The following PCSK2 variants were observed in gnomAD, a reference collection of about 807,000 sequenced individuals.
PCSK2 encodes proprotein convertase subtilisin/kexin type 2.
PCSK2 carries 14 observed loss-of-function variants against 69.7 expected under a neutral mutation model. The ratio of observed to expected loss-of-function variants is 0.20; its 90% confidence interval spans 0.13 to 0.31. PCSK2 has a LOEUF of 0.31. Among genes scored for constraint, PCSK2 ranks in the 10% least tolerant of loss-of-function variants. PCSK2 has a pLI of 1.00. For synonymous variants in PCSK2, 307 were observed against 320.7 expected, an observed-to-expected ratio of 0.96 and a Z score of 0.46; for missense variants, 544 against 842.5, an observed-to-expected ratio of 0.65 and a Z score of 4.39.
chr20:17,435,614 G>A (rs541161710), intron 7 of PCSK2, among the ~76,000 whole-genome samples: 15 of 152,282 alleles, frequency 9.9e-5, no homozygotes, highest in African/African-American at 2.6e-4. Flanking sequence ...TTTGGCCACC[G>A]GGGACAAGGA....
chr20:17,267,697 T>C (rs1437684397), intron 2 of PCSK2, among the ~76,000 whole-genome samples: 1 of 152,174 alleles, frequency 6.6e-6, no homozygotes, highest in African/African-American at 2.4e-5. Flanking sequence ...TGATGGGTAC[T>C]GTTCGTGCTG....
intron 4 of PCSK2, among the ~76,000 whole-genome samples, chr20:17,362,839 A>G (rs1371659999): frequency 6.6e-6 from 1 of 152,230 alleles, no homozygotes; most frequent in Non-Finnish European, 1.5e-5. Flanking sequence ...AAAGTATCCA[A>G]GTTCACTGTT....
chr20:17,252,352 C>T (rs1347195843), intron 1 of PCSK2, among the ~76,000 whole-genome samples: 1 of 152,180 alleles, frequency 6.6e-6, no homozygotes, highest in Non-Finnish European at 1.5e-5. Flanking sequence ...AAGAAATATT[C>T]CCCAAGTATC....
At chr20:17,441,612 T>C (rs2032596522) in intron 8 of PCSK2, among the ~76,000 whole-genome samples, 1 of 152,128 alleles carries the variant, frequency 6.6e-6, no homozygotes, top group South Asian at 2.1e-4. Context: ...GAAAGGCATG[T>C]CTTACCTGGT....
chr20:17,256,187 T>C (rs1987168797), intron 1 of PCSK2, among the ~76,000 whole-genome samples: 1 of 152,206 alleles, frequency 6.6e-6, no homozygotes, highest in African/African-American at 2.4e-5. Context: ...ACTTTTTAGC[T>C]CCAGAATTTC....
intron 5 of PCSK2, among the ~76,000 whole-genome samples, chr20:17,390,461 A>C (rs1399419214): frequency 6.6e-6 from 1 of 152,192 alleles, no homozygotes; most frequent in Non-Finnish European, 1.5e-5. Context: ...CCAGTTTAGA[A>C]ATCAGTTACC....
At chr20:17,439,738 A>T (rs2032558259) in intron 8 of PCSK2, among the ~76,000 whole-genome samples, 1 of 152,232 alleles carries the variant, frequency 6.6e-6, no homozygotes, top group Non-Finnish European at 1.5e-5. Context: ...AGCCCTAAAC[A>T]ATAGTAAACA....
rs371076392 is a variant in PCSK2 at position 17,268,031 on chromosome 20, G to A, written c.282+7687G>A. Among the ~76,000 whole-genome samples, 423 of 117,902 alleles carry A rather than the reference G, an allele frequency of 3.6e-3. 5 individuals carry two copies. The highest frequency in any genetic ancestry group is 0.012 in the African/African-American group (399 of 34,128). 77.3% of individuals were successfully genotyped at this position (117,902 alleles called of 152,430 possible). ...AAGGAAATGCATTTATATATCCAATGTGTATATATATATATATATATATAT... is the reference window on the plus strand; with the variant it reads ...AAGGAAATGCATTTATATATCCAATATGTATATATATATATATATATATAT... On this transcript the variant is annotated intron_variant, in intron 2 of 11. Coordinates refer to ENST00000262545, the MANE Select transcript of PCSK2 (RefSeq NM_002594.5).
At chr20:17,435,791 T>A (rs1310745058) in intron 7 of PCSK2, among the ~76,000 whole-genome samples, 2 of 152,208 alleles carry the variant, frequency 1.3e-5, no homozygotes, top group African/African-American at 4.8e-5. Context: ...GAGAGGCATG[T>A]GACCCCGTCA....
chr20:17,410,563 T>C (rs2031847785), intron 6 of PCSK2, among the ~76,000 whole-genome samples: 2 of 152,238 alleles, frequency 1.3e-5, no homozygotes, highest in African/African-American at 4.8e-5. Context: ...TGATGTCGGA[T>C]AGCACAATTC....
In PCSK2 at chr20:17,337,055, T is replaced by G. The variant is rs79166879; in HGVS notation, c.283-21272T>G. On this transcript the variant is annotated intron_variant, in intron 2 of 11. Coordinates refer to ENST00000262545, the MANE Select transcript of PCSK2 (RefSeq NM_002594.5). ...GGTTGCTATTGACACCCAAGGAAAC[T>G]GATGTGTGGTTAACTTCTCCGAAAG... 1.9e-3 allele frequency among the ~76,000 whole-genome samples: 291 copies of G among 150,840 alleles called. 3 individuals are homozygous for G. The East Asian group carries it at 0.047, about 24-fold the overall frequency.
intron 2 of PCSK2, among the ~76,000 whole-genome samples, chr20:17,261,936 G>A (rs367692434): frequency 5.9e-5 from 9 of 152,192 alleles, no homozygotes; most frequent in African/African-American, 2.2e-4. Context: ...ATAAACTGGG[G>A]GCAGAATGAA....
chr20:17,304,970 C>T (rs1989282279), intron 2 of PCSK2, among the ~76,000 whole-genome samples: 1 of 152,164 alleles, frequency 6.6e-6, no homozygotes, highest in Non-Finnish European at 1.5e-5. Flanking sequence ...CAGGCTGCAG[C>T]TCCTCCCAGC....
intron 1 of PCSK2, among the ~76,000 whole-genome samples, chr20:17,250,555 A>G (rs2122974465): frequency 6.6e-6 from 1 of 152,236 alleles, no homozygotes; most frequent in Non-Finnish European, 1.5e-5. Flanking sequence ...TTTAGCATCT[A>G]TTGGAGATGT....
At chr20:17,325,107 C>T (rs932460780) in intron 2 of PCSK2, among the ~76,000 whole-genome samples, 1 of 152,146 alleles carries the variant, frequency 6.6e-6, no homozygotes, top group Non-Finnish European at 1.5e-5. Flanking sequence ...GCATGCACAA[C>T]AGCTTTCCTT....
intron 2 of PCSK2, chr20:17,263,104 C>G (rs925271037): frequency 4.2e-5 from 41 of 984,268 alleles, no homozygotes; most frequent in Non-Finnish European, 3.5e-5. Flanking sequence ...AAAGAAACCT[C>G]CAAGCTCTGC....
intron 2 of PCSK2, among the ~76,000 whole-genome samples, chr20:17,338,407 G>A (rs1333869431): frequency 6.6e-6 from 1 of 152,072 alleles, no homozygotes; most frequent in Non-Finnish European, 1.5e-5. Flanking sequence ...ATGTTAGTCA[G>A]ACTGGTCTTG....
chr20:17,388,467 T>A (rs1278795523), intron 5 of PCSK2, among the ~76,000 whole-genome samples: 1 of 152,082 alleles, frequency 6.6e-6, no homozygotes, highest in Non-Finnish European at 1.5e-5. Flanking sequence ...ACCCTGAACT[T>A]CAGAGGTGCT....
rs3818916 is a variant in PCSK2 at position 17,227,076 on chromosome 20, G to T, written c.-230G>T. On this transcript the variant is annotated 5_prime_UTR_variant, in exon 1 of 12. Coordinates refer to ENST00000262545, the MANE Select transcript of PCSK2 (RefSeq NM_002594.5). The stretch of plus-strand genomic sequence containing the variant: ...CCGGTACACACAGCTCCCCACATTC[G>T]CACCCCTGCCCGCGCGCCGGGCCGC... 133,009 of 533,510 alleles carry T rather than the reference G, an allele frequency of 0.25. 17,623 individuals are homozygous for T. Among genetic ancestry groups the T allele is most frequent in the Middle Eastern group, 0.29 (575 of 2,004 alleles). 33.0% of individuals were successfully genotyped at this position (533,510 alleles called of 1,614,324 possible). A position where few individuals can be genotyped will look rare whatever the true frequency, so the allele number is the denominator to read the frequency against.
Sources: allele counts gnomAD v4.1 joint callset (sites outside exome capture counted in the v4.1 genomes callset), GRCh38; gene constraint gnomAD v4.1.1; transcripts MANE v1.5; gene names NCBI Gene and HGNC (gene_info 2026-07-23, HGNC 2026-07-21).